Variants in CGNL1 observed in about 807,000 individuals in gnomAD.
The protein encoded by CGNL1 is cingulin-like protein 1.
CGNL1 carries 132 observed loss-of-function variants against 141.2 expected under a neutral mutation model. That is an observed-to-expected ratio of 0.93 (90% confidence interval 0.81 to 1.08). The LOEUF is 1.08. Among genes scored for constraint, CGNL1 ranks in the 50% least tolerant of loss-of-function variants. The probability of loss-of-function intolerance (pLI) is 0.00; values close to 1 mark genes in which losing one functional copy is unlikely to be tolerated. For missense variants in CGNL1, 1,870 were observed against 1,588.6 expected (o/e 1.18, Z -3.01); for synonymous variants, 690 against 622.1 (o/e 1.11, Z -1.63).
chr15:57,488,901 AC>A (rs200529278), intron 8 of CGNL1, among the ~76,000 whole-genome samples: 1,648 of 152,310 alleles, frequency 0.011, 32 homozygotes, highest in African/African-American at 0.037. Context: ...AGAGCTGCTT[AC>A]CATGTTGCTG....
rs1204547970 is a variant in CGNL1 at position 57,549,594 on chromosome 15, A to T, written c.*2104A>T. ...GTGTGGCCGATTCCTCCCTTTAGTCATTCATTCATTTAGCACATATTTATT... is the reference window on the plus strand; with the variant it reads ...GTGTGGCCGATTCCTCCCTTTAGTCTTTCATTCATTTAGCACATATTTATT... On this transcript the variant is annotated 3_prime_UTR_variant, in exon 19 of 19. Coordinates refer to ENST00000281282, the MANE Select transcript of CGNL1 (RefSeq NM_032866.5). 1 of 152,170 alleles carries T rather than the reference A, an allele frequency of 6.6e-6. No homozygotes were observed. Among genetic ancestry groups the T allele is most frequent in the East Asian group, 1.9e-4 (1 of 5,182 alleles). The allele number at this position is 152,170 out of a possible 1,614,324, so 9.4% of individuals were successfully genotyped here. A position where few individuals can be genotyped will look rare whatever the true frequency, so the allele number is the denominator to read the frequency against.
chr15:57,524,593 G>T lies in CGNL1; in HGVS notation c.2881G>T (p.Val961Phe). The T allele has an allele frequency of 6.2e-7, 1 of 1,613,144 alleles. No individual in the cohort carries two copies. Among genetic ancestry groups the T allele is most frequent in the Non-Finnish European group, 8.5e-7 (1 of 1,179,742 alleles). The stretch of plus-strand genomic sequence containing the variant: ...TCACTTCTTCTAGATGGCAGACATT[G>T]TTGAGGCCTCCCGTACCTCAACCCT... ...EKLQKEMADIVEASRTSTLEL... is the reference protein window; with the variant it reads ...EKLQKEMADIFEASRTSTLEL... The change falls in exon 12 of 19, where the codon GTT becomes TTT. Residue 961 changes from valine (V) to phenylalanine (F), a missense_variant. By Grantham distance (50) the Val-to-Phe change is conservative. Coordinates refer to ENST00000281282, the MANE Select transcript of CGNL1 (RefSeq NM_032866.5).
At chr15:57,528,864 T>C in intron 13 of CGNL1, 49 bp downstream of exon 13, 1 of 1,584,350 alleles carries the variant, frequency 6.3e-7, no homozygotes, top group Non-Finnish European at 8.6e-7. Flanking sequence ...AGAGCGAGGC[T>C]GGGCCACGAG....
In CGNL1 at chr15:57,524,693, A is replaced by G. The variant is rs2031499962; in HGVS notation, c.2981A>G (p.Lys994Arg). 6.2e-7 allele frequency: 1 copy of G among 1,614,238 alleles called. No homozygotes were observed. Among genetic ancestry groups the G allele is most frequent in the Admixed American group, 1.7e-5 (1 of 60,026 alleles). Residue 994 changes from lysine to arginine, a missense_variant, in exon 12 of 19, where the codon AAG becomes AGG. By Grantham distance (26) the Lys-to-Arg change is conservative. Transcript: ENST00000281282. The part of the protein sequence containing the change: ...RELAEMQRQL[K>R]EKTLEAEKSR... Reference sequence around the variant, plus strand: ...CTCGCAGAAATGCAAAGACAGTTGAAGGAGAAAACGCTGGAGGCAGAAAAG... The same window carrying G: ...CTCGCAGAAATGCAAAGACAGTTGAGGGAGAAAACGCTGGAGGCAGAAAAG...
intron 1 of CGNL1, among the ~76,000 whole-genome samples, chr15:57,382,562 A>G (rs371551924): frequency 2.0e-5 from 3 of 152,228 alleles, no homozygotes; most frequent in African/African-American, 7.2e-5. Context: ...GACTGTTAAT[A>G]ATCTTTTCCT....
intron 1 of CGNL1, among the ~76,000 whole-genome samples, chr15:57,397,796 T>C (rs2007058): frequency 0.39 from 59,348 of 151,318 alleles, 12,086 homozygotes; most frequent in Non-Finnish European, 0.46. Flanking sequence ...CTTTTTTTTT[T>C]TTTGGAGATG....
chr15:57,489,086 G>A (rs2063823514), intron 8 of CGNL1, among the ~76,000 whole-genome samples: 1 of 152,176 alleles, frequency 6.6e-6, no homozygotes, highest in Admixed American at 6.5e-5. Flanking sequence ...TTGATGAAAA[G>A]TGTAAGTTTG....
intron 1 of CGNL1, among the ~76,000 whole-genome samples, chr15:57,427,407 C>G (rs539871168): frequency 6.6e-6 from 1 of 152,090 alleles, no homozygotes; most frequent in South Asian, 2.1e-4. Flanking sequence ...CTCTGGGACC[C>G]GTGCAAACAA....
chr15:57,437,676 T>C (rs1408283661), intron 1 of CGNL1, among the ~76,000 whole-genome samples: 1 of 47,768 alleles, frequency 2.1e-5, no homozygotes, highest in African/African-American at 9.3e-5. Flanking sequence ...CAAAACAGAA[T>C]AACAAAGTCA....
At chr15:57,475,877 C>T (rs145666434) in intron 8 of CGNL1, among the ~76,000 whole-genome samples, 12 of 152,144 alleles carry the variant, frequency 7.9e-5, no homozygotes, top group African/African-American at 2.4e-4. Context: ...AAAATCGTGC[C>T]ATCCTTCATG....
intron 1 of CGNL1, among the ~76,000 whole-genome samples, chr15:57,407,910 G>A (rs1301534994): frequency 6.6e-6 from 1 of 151,716 alleles, no homozygotes; most frequent in Non-Finnish European, 1.5e-5. Flanking sequence ...CACCACGCCT[G>A]GCTAATTTTT....
At chr15:57,531,049 C>T (rs1292333549) in intron 13 of CGNL1, among the ~76,000 whole-genome samples, 1 of 152,202 alleles carries the variant, frequency 6.6e-6, no homozygotes, top group Non-Finnish European at 1.5e-5. Flanking sequence ...TTTCTTCATA[C>T]ACAAAGCTGC....
At chr15:57,420,089 G>T (rs868802428) in intron 1 of CGNL1, among the ~76,000 whole-genome samples, 35 of 152,056 alleles carry the variant, frequency 2.3e-4, no homozygotes, top group African/African-American at 8.0e-4. Context: ...GGGTAATTTT[G>T]GTTCCTTTTT....
At position 57,525,046 on chromosome 15, in the gene CGNL1, C is replaced by A. The variant is rs546345345; in HGVS notation, c.3039+295C>A. On this transcript the variant is annotated intron_variant, in intron 12 of 18. Coordinates refer to ENST00000281282, the MANE Select transcript of CGNL1 (RefSeq NM_032866.5). The stretch of plus-strand genomic sequence containing the variant: ...CATTTATGGAGCAGCCATGATGTGC[C>A]CAGCTGTGTCCAGATGATTTATTTA... Among the ~76,000 whole-genome samples, 6 of 152,216 alleles carry A rather than the reference C, an allele frequency of 3.9e-5. 1 individual carries two copies. In the South Asian group the frequency reaches 1.0e-3, roughly 26 times the overall value.
chr15:57,446,821 G>C (rs2152316178), intron 4 of CGNL1, among the ~76,000 whole-genome samples: 1 of 152,200 alleles, frequency 6.6e-6, no homozygotes, highest in Non-Finnish European at 1.5e-5. Flanking sequence ...ACTCCTGGTA[G>C]TGCAGCATGC....
chr15:57,516,675 C>G (rs2030826163), intron 8 of CGNL1, 105 bp from the exon 9 acceptor site: 1 of 1,212,468 alleles, frequency 8.2e-7, no homozygotes, highest in Admixed American at 2.0e-5. Flanking sequence ...CAGGGCCTGG[C>G]TAAGTGGGCA....
chr15:57,492,426 A>C (rs1300592510), intron 8 of CGNL1, among the ~76,000 whole-genome samples: 3 of 152,250 alleles, frequency 2.0e-5, no homozygotes. Context: ...TTTGTGAGCA[A>C]TAGATTTGCA....
chr15:57,540,707 A>C (rs919007498), intron 14 of CGNL1, among the ~76,000 whole-genome samples: 1 of 152,158 alleles, frequency 6.6e-6, no homozygotes, highest in Non-Finnish European at 1.5e-5. Context: ...CTTTCCTGTC[A>C]TAGTGACACT....
At chr15:57,520,066 G>A (rs1485025677) in intron 10 of CGNL1, among the ~76,000 whole-genome samples, 2 of 152,168 alleles carry the variant, frequency 1.3e-5, no homozygotes, top group Non-Finnish European at 2.9e-5. Flanking sequence ...CTTTTGTTGA[G>A]GCCTGTTTTC....
Sources: allele counts gnomAD v4.1 joint callset (sites outside exome capture counted in the v4.1 genomes callset), GRCh38; gene constraint gnomAD v4.1.1; transcripts MANE v1.5; gene names NCBI Gene and HGNC (gene_info 2026-07-23, HGNC 2026-07-21).